Variants in BIN3 observed in about 807,000 individuals in gnomAD.
BIN3 encodes the protein bridging integrator 3.
Under a neutral mutation model 38.2 loss-of-function variants are expected in BIN3, and 41 were observed. That is an observed-to-expected ratio of 1.07 (90% CI 0.84 to 1.39). BIN3 has a LOEUF of 1.39. BIN3 is among the 40% of genes most tolerant of loss of function. The probability of loss-of-function intolerance (pLI) is 0.00; values close to 1 mark genes in which losing one functional copy is unlikely to be tolerated. For synonymous variants in BIN3, 145 were observed against 122.6 expected, an observed-to-expected ratio of 1.18 and a Z score of -1.21; for missense variants, 361 against 324.3, an observed-to-expected ratio of 1.11 and a Z score of -0.87.
intron 2 of BIN3, among the ~76,000 whole-genome samples, chr8:22,642,507 G>A (rs564254622): frequency 1.4e-4 from 21 of 152,326 alleles, no homozygotes; most frequent in East Asian, 9.6e-4. Context: ...CTTTTGTTGC[G>A]TTGGGAAATC....
chr8:22,625,392 G>T (rs1423156620), intron 6 of BIN3: 1 of 702,476 alleles, frequency 1.4e-6, no homozygotes, highest in Admixed American at 2.0e-5. Flanking sequence ...GGTGACCCAG[G>T]ACCAGAAGAG....
Position 22,630,502 on chromosome 8 carries a change from CAGA to C in BIN3, c.234_236del (p.Leu79del), listed in dbSNP as rs1802158515. The stretch of plus-strand genomic sequence containing the variant: ...CCGTGTCCAGGGCCGTCACCATGTT[CAGA>C]AGGTCCTGGTCTTGCTCACAGAGGG... On this transcript the variant is annotated inframe_deletion, in exon 5 of 9. Coordinates refer to ENST00000276416, the MANE Select transcript of BIN3 (RefSeq NM_018688.6). The C allele has an allele frequency of 6.2e-7, 1 of 1,614,038 alleles. No homozygotes were observed. Among genetic ancestry groups the C allele is most frequent in the Non-Finnish European group, 8.5e-7 (1 of 1,179,892 alleles).
At position 22,624,017 on chromosome 8, in the gene BIN3, G is replaced by GTCC; in HGVS notation, c.510_512dup (p.Glu170dup). The GTCC allele has an allele frequency of 6.2e-7, 1 of 1,613,260 alleles. No individual in the cohort carries two copies. The highest frequency in any genetic ancestry group is 8.5e-7 in the Non-Finnish European group (1 of 1,179,830). On this transcript the variant is annotated inframe_insertion, in exon 8 of 9. Transcript: ENST00000276416. ...GCAGCTGCCTGTTCTTGGCTTCAAA[G>GTCC]TCCTCCCGCACAGGCCGCAGCTCCT... is the stretch of plus-strand genomic sequence containing the variant.
At chr8:22,631,101 A>C (rs909361697) in intron 4 of BIN3, among the ~76,000 whole-genome samples, 8 of 152,160 alleles carry the variant, frequency 5.3e-5, no homozygotes, top group African/African-American at 1.9e-4. Context: ...TGTGCTGTGA[A>C]AACTGCCAGC....
At chr8:22,655,147 T>C (rs1260250607) in intron 1 of BIN3, among the ~76,000 whole-genome samples, 1 of 152,224 alleles carries the variant, frequency 6.6e-6, no homozygotes, top group African/African-American at 2.4e-5. Context: ...CTTTTATTAT[T>C]ATTGTTGTTG....
chr8:22,645,100 G>A (rs1802674669), intron 1 of BIN3, among the ~76,000 whole-genome samples: 1 of 152,016 alleles, frequency 6.6e-6, no homozygotes, highest in African/African-American at 2.4e-5. Context: ...AGGAGTTTGA[G>A]GCTGTAGTGA....
chr8:22,654,327 A>T (rs1802993034), intron 1 of BIN3, among the ~76,000 whole-genome samples: 1 of 152,208 alleles, frequency 6.6e-6, no homozygotes, highest in African/African-American at 2.4e-5. Flanking sequence ...ATCTTTACTC[A>T]GAATCTGGTT....
chr8:22,625,640 T>C (rs1411481891), intron 6 of BIN3: 3 of 534,064 alleles, frequency 5.6e-6, no homozygotes, highest in Non-Finnish European at 1.0e-5. Flanking sequence ...CAGGCTGGAG[T>C]ACAGTGGTAT....
chr8:22,625,276 C>T, intron 6 of BIN3: 1 of 701,016 alleles, frequency 1.4e-6, no homozygotes, highest in Non-Finnish European at 2.6e-6. Flanking sequence ...GGAGGGCTGG[C>T]CCTCGGTGCA....
rs371072646 is a variant in BIN3 at position 22,644,716 on chromosome 8, C to G, written c.57+39G>C. 383 of 1,595,870 alleles carry G rather than the reference C, an allele frequency of 2.4e-4. 1 individual carries two copies. In the African/African-American group the frequency reaches 4.5e-3, roughly 19 times the overall value. On this transcript the variant is annotated intron_variant, in intron 2 of 8. Transcript: ENST00000276416. ...ATTCTTATGCAAAGGCCATGTGATACAGAACTGAATCTCACAGCAAAACAA... is the reference window on the plus strand; with the variant it reads ...ATTCTTATGCAAAGGCCATGTGATAGAGAACTGAATCTCACAGCAAAACAA...
chr8:22,638,100 C>A (rs920542654), intron 2 of BIN3, among the ~76,000 whole-genome samples: 16 of 152,182 alleles, frequency 1.1e-4, no homozygotes, highest in Non-Finnish European at 2.1e-4. Context: ...CCCTGGGAAT[C>A]CTGTCCCCAA....
Position 22,662,907 on chromosome 8 carries a change from C to T in BIN3, c.8+6137G>A, listed in dbSNP as rs554613486. Among the ~76,000 whole-genome samples, 8 of 152,268 alleles carry T rather than the reference C, an allele frequency of 5.3e-5. No individual in the cohort carries two copies. The East Asian group carries it at 5.8e-4, about 11-fold the overall frequency. On this transcript the variant is annotated intron_variant, in intron 1 of 8. Coordinates refer to ENST00000276416, the MANE Select transcript of BIN3 (RefSeq NM_018688.6). ...ATCCCAGCACTTTGGGAGGCCAAGACGGGTGGATTACTTGAATCCAGAGGT... is the reference window on the plus strand; with the variant it reads ...ATCCCAGCACTTTGGGAGGCCAAGATGGGTGGATTACTTGAATCCAGAGGT...
chr8:22,660,576 C>T (rs2117596433), intron 1 of BIN3, among the ~76,000 whole-genome samples: 1 of 152,362 alleles, frequency 6.6e-6, no homozygotes, highest in East Asian at 1.9e-4. Flanking sequence ...AAACTGACTT[C>T]TAGGCCCCCT....
At chr8:22,630,711 C>A (rs574780680) in intron 4 of BIN3, 133 bp from the exon 5 acceptor site, 1 of 974,514 alleles carries the variant, frequency 1.0e-6, no homozygotes, top group African/African-American at 1.6e-5. Context: ...CCGTCAAGAA[C>A]GGCGAAGTAC....
Position 22,644,764 on chromosome 8 carries a change from C to T in BIN3, c.48G>A (p.Val16=). ...FKIGQPKKQI[V]PKTVERDFER... ...CAATCGAGTTACTCACTGTTTTGGG[C>T]ACAATCTGTTTCTTGGGCTGCCCAA... The change falls in exon 2 of 9, where the codon GTG becomes GTA. Residue 16 remains valine (V), a synonymous_variant. Coordinates refer to ENST00000276416, the MANE Select transcript of BIN3 (RefSeq NM_018688.6). The T allele has an allele frequency of 6.2e-7, 1 of 1,611,842 alleles. No homozygotes were observed. Among genetic ancestry groups the T allele is most frequent in the Middle Eastern group, 1.7e-4 (1 of 6,054 alleles).
intron 1 of BIN3, among the ~76,000 whole-genome samples, chr8:22,662,576 C>T (rs1803268754): frequency 6.6e-6 from 1 of 152,166 alleles, no homozygotes; most frequent in African/African-American, 2.4e-5. Flanking sequence ...AGTGAAACAA[C>T]CAAATACACA....
intron 1 of BIN3, among the ~76,000 whole-genome samples, chr8:22,663,044 G>A (rs1410482005): frequency 3.9e-5 from 6 of 152,152 alleles, no homozygotes; most frequent in African/African-American, 1.4e-4. Context: ...GCTTCAACCC[G>A]GGAAGTAGAG....
intron 6 of BIN3, chr8:22,625,486 A>AG (rs1442837665): frequency 7.2e-6 from 5 of 694,424 alleles, no homozygotes; most frequent in Non-Finnish European, 1.3e-5. Flanking sequence ...CTGGGATCAT[A>AG]GGCACTCAGA....
intron 2 of BIN3, among the ~76,000 whole-genome samples, chr8:22,643,946 G>C (rs1479664264): frequency 6.6e-6 from 1 of 152,234 alleles, no homozygotes; most frequent in Non-Finnish European, 1.5e-5. Context: ...TTTTGCACCG[G>C]GATTCCAAAA....
Sources: gnomAD v4.1 joint callset for allele counts (sites outside exome capture counted in the v4.1 genomes callset) on GRCh38, gnomAD v4.1.1 for gene constraint, MANE v1.5 for transcripts, NCBI Gene and HGNC (gene_info 2026-07-23, HGNC 2026-07-21) for gene names.